Variants in USP3 observed in about 807,000 individuals in gnomAD.
USP3 encodes ubiquitin carboxyl-terminal hydrolase 3.
USP3 carries 20 observed loss-of-function variants against 72.3 expected under a neutral mutation model. The observed-to-expected ratio is 0.28, with a 90% CI of 0.19 to 0.40. The LOEUF (loss-of-function observed/expected upper bound fraction) is 0.40. Among genes scored for constraint, USP3 ranks in the 10% least tolerant of loss-of-function variants. USP3 has a pLI of 1.00. For synonymous variants in USP3, 222 were observed against 225.3 expected (o/e 0.99, Z 0.13); for missense variants, 479 against 633.9 (o/e 0.76, Z 2.62).
intron 9 of USP3, among the ~76,000 whole-genome samples, chr15:63,571,924 A>T (rs989656942): frequency 6.6e-6 from 1 of 152,250 alleles, no homozygotes; most frequent in African/African-American, 2.4e-5. Flanking sequence ...TATTTGCTAC[A>T]ACTAGAAAAA....
intron 1 of USP3, among the ~76,000 whole-genome samples, chr15:63,507,768 A>G (rs1436896918): frequency 6.6e-6 from 1 of 152,182 alleles, no homozygotes; most frequent in Non-Finnish European, 1.5e-5. Context: ...GGACCCCTTT[A>G]CACTCTTAAA....
At chr15:63,586,017 C>T (rs970313296) in intron 11 of USP3, among the ~76,000 whole-genome samples, 8 of 152,104 alleles carry the variant, frequency 5.3e-5, no homozygotes, top group Non-Finnish European at 1.2e-4. Flanking sequence ...TCTTCCTATC[C>T]ATGAATACAG....
intron 1 of USP3, among the ~76,000 whole-genome samples, chr15:63,519,848 T>C (rs1420051685): frequency 6.6e-6 from 1 of 151,878 alleles, no homozygotes; most frequent in Middle Eastern, 3.2e-3. Flanking sequence ...CTTACTTATC[T>C]TAATAAGCAC....
At chr15:63,547,875 A>AGG (rs2066372254) in intron 3 of USP3, among the ~76,000 whole-genome samples, 1 of 86,598 alleles carries the variant, frequency 1.2e-5, no homozygotes, top group African/African-American at 4.8e-5. Flanking sequence ...ATAGAGAGAG[A>AGG]GAGAGAGAGA....
intron 8 of USP3, among the ~76,000 whole-genome samples, chr15:63,563,401 A>C (rs1311316950): frequency 1.3e-5 from 2 of 152,206 alleles, no homozygotes; most frequent in African/African-American, 4.8e-5. Flanking sequence ...GCATGGTATT[A>C]TATGAACTGT....
At chr15:63,569,359 C>T (rs1177797701) in intron 8 of USP3, among the ~76,000 whole-genome samples, 1 of 152,088 alleles carries the variant, frequency 6.6e-6, no homozygotes, top group African/African-American at 2.4e-5. Flanking sequence ...CAGTGAAATG[C>T]CAGAGTAACT....
chr15:63,547,741 AGAGG>A (rs1184833796), intron 3 of USP3, among the ~76,000 whole-genome samples: 26 of 11,120 alleles, frequency 2.3e-3, no homozygotes, highest in South Asian at 6.0e-3. Flanking sequence ...AGAGAGAGAG[AGAGG>A]GAGGGAGGGA....
At chr15:63,542,443 AT>A (rs1163711099) in intron 3 of USP3, among the ~76,000 whole-genome samples, 1 of 152,034 alleles carries the variant, frequency 6.6e-6, no homozygotes, top group Non-Finnish European at 1.5e-5. Context: ...CAAAAACAAA[AT>A]AAGCCAATTT....
At position 63,557,973 on chromosome 15, in the gene USP3, T is replaced by G. The variant is rs186822108; in HGVS notation, c.451-133T>G. ...GAGACTAGAGAGTTTGTTTGAAATA[T>G]TCATTGGACAGAAAAGGACCAATTC... On this transcript the variant is annotated intron_variant, in intron 5 of 14. Coordinates refer to ENST00000380324, the MANE Select transcript of USP3 (RefSeq NM_006537.4). 376 of 751,226 alleles carry G rather than the reference T, an allele frequency of 5.0e-4. No homozygotes were observed. The African/African-American group carries it at 6.0e-3, about 12-fold the overall frequency. 46.5% of individuals were successfully genotyped at this position (751,226 alleles called of 1,614,324 possible). A position where few individuals can be genotyped will look rare whatever the true frequency, so the allele number is the denominator to read the frequency against.
chr15:63,558,556 C>T (rs1273052297), intron 6 of USP3, among the ~76,000 whole-genome samples: 1 of 150,534 alleles, frequency 6.6e-6, no homozygotes, highest in Non-Finnish European at 1.5e-5. Context: ...AGATATCCCC[C>T]ACCCCCCCGC....
At position 63,544,612 on chromosome 15, in the gene USP3, G is replaced by A. The variant is rs56351057; in HGVS notation, c.284+7456G>A. On this transcript the variant is annotated intron_variant, in intron 3 of 14. Coordinates refer to ENST00000380324, the MANE Select transcript of USP3 (RefSeq NM_006537.4). The surrounding 1 kb of genome is among the most constrained non-coding windows in gnomAD (Gnocchi z 4.2). The stretch of plus-strand genomic sequence containing the variant: ...TAGGACAAGAAAACGATTGAGCCAT[G>A]CTGTGTGTTTTCATTTTTGGAGAAT... The A allele has an allele frequency of 0.026, 18,231 of 688,232 alleles. 343 individuals carry two copies. The highest frequency in any genetic ancestry group is 0.032 in the Non-Finnish European group (12,207 of 378,124). 42.6% of individuals were successfully genotyped at this position (688,232 alleles called of 1,614,324 possible).
chr15:63,535,859 G>T (rs897860902), intron 2 of USP3, among the ~76,000 whole-genome samples: 15 of 152,158 alleles, frequency 9.9e-5, no homozygotes, highest in Admixed American at 9.8e-4. Flanking sequence ...CTAACTCTCT[G>T]CATCTGTTTA....
chr15:63,547,522 G>A (rs1327830849), intron 3 of USP3, among the ~76,000 whole-genome samples: 2 of 151,854 alleles, frequency 1.3e-5, no homozygotes, highest in African/African-American at 4.8e-5. Flanking sequence ...TTGAGCTCAG[G>A]AATTTGAGAC....
At chr15:63,589,584 C>T (rs931112747) in intron 14 of USP3, among the ~76,000 whole-genome samples, 78 of 152,196 alleles carry the variant, frequency 5.1e-4, no homozygotes, top group African/African-American at 1.8e-3. Context: ...AAGTCTGATT[C>T]TCACTACTTT....
intron 7 of USP3, among the ~76,000 whole-genome samples, chr15:63,561,563 C>A (rs960273208): frequency 6.6e-6 from 1 of 152,156 alleles, no homozygotes; most frequent in African/African-American, 2.4e-5. Flanking sequence ...TGCTCTTTGC[C>A]CCCCCTGCTA....
At chr15:63,519,867 T>A (rs1308608176) in intron 1 of USP3, among the ~76,000 whole-genome samples, 2 of 152,214 alleles carry the variant, frequency 1.3e-5, no homozygotes, top group African/African-American at 4.8e-5. Context: ...ACTCGGTTTT[T>A]TTTTATTCTA....
At chr15:63,585,195 G>A (rs938532004) in intron 11 of USP3, among the ~76,000 whole-genome samples, 2 of 152,086 alleles carry the variant, frequency 1.3e-5, no homozygotes, top group African/African-American at 4.8e-5. Flanking sequence ...TTTCAAAATT[G>A]TTTTGGCTAT....
rs373663562 is a variant in USP3, at chr15:63,594,424, C to T, written c.*3598C>T. On this transcript the variant is annotated 3_prime_UTR_variant, in exon 15 of 15. Transcript: ENST00000380324. ...CGTCAGTGGGTGCAGTGCCTTCCCCCTCAGGTGTGAGCGTGATGGACTCTA... is the reference window on the plus strand; with the variant it reads ...CGTCAGTGGGTGCAGTGCCTTCCCCTTCAGGTGTGAGCGTGATGGACTCTA... 6.6e-6 allele frequency: 1 copy of T among 152,220 alleles called. No homozygotes were observed. 9.4% of individuals were successfully genotyped at this position (152,220 alleles called of 1,614,324 possible).
intron 1 of USP3, among the ~76,000 whole-genome samples, chr15:63,512,356 T>TCTTCC (rs1567089144): frequency 0.072 from 3,100 of 43,280 alleles, 103 homozygotes; most frequent in African/African-American, 0.21. Context: ...CCTCTTCCTC[T>TCTTCC]TCTTCTTCTT....
Sources: allele counts gnomAD v4.1 joint callset (sites outside exome capture counted in the v4.1 genomes callset), GRCh38; gene constraint gnomAD v4.1.1; non-coding constraint Gnocchi (gnomAD v3.1); transcripts MANE v1.5; gene names NCBI Gene and HGNC (gene_info 2026-07-23, HGNC 2026-07-21).